P2RX3: variants seen among roughly 807,000 people sequenced by gnomAD.
P2RX3 encodes P2X purinoceptor 3.
P2RX3 carries 41 observed loss-of-function variants against 51.5 expected under a neutral mutation model. The observed-to-expected ratio is 0.80, with a 90% CI of 0.62 to 1.03. The LOEUF is 1.03. P2RX3 is among the 50% of genes least tolerant of loss of function. The probability of loss-of-function intolerance (pLI) is 0.00; values close to 1 mark genes in which losing one functional copy is unlikely to be tolerated. For synonymous variants in P2RX3, 185 were observed against 191.6 expected, an observed-to-expected ratio of 0.97 and a Z score of 0.29; for missense variants, 459 against 522.1, an observed-to-expected ratio of 0.88 and a Z score of 1.18.
intron 8 of P2RX3, among the ~76,000 whole-genome samples, chr11:57,359,502 T>C (rs1042567023): frequency 6.6e-6 from 1 of 152,212 alleles, no homozygotes; most frequent in African/African-American, 2.4e-5. Context: ...CCCCCGACCC[T>C]GAAAACTCTG....
At chr11:57,353,946 A>G (rs1347221190) in intron 8 of P2RX3, among the ~76,000 whole-genome samples, 1 of 150,364 alleles carries the variant, frequency 6.7e-6, no homozygotes, top group African/African-American at 2.5e-5. Context: ...TAAGGCGGTC[A>G]CTTTACAGAT....
intron 11 of P2RX3, 97 bp downstream of exon 11, chr11:57,369,535 AG>A (rs1287403482): frequency 6.0e-6 from 7 of 1,161,728 alleles, no homozygotes; most frequent in Admixed American, 4.7e-5. Flanking sequence ...GGCCTTCTGA[AG>A]GGGGGTTCAC....
chr11:57,361,154 C>T (rs1257973316), intron 8 of P2RX3, among the ~76,000 whole-genome samples: 3 of 152,234 alleles, frequency 2.0e-5, no homozygotes, highest in African/African-American at 7.2e-5. Context: ...CAACCCTCTT[C>T]CAGCTGCTTC....
At chr11:57,364,159 C>T (rs1334236833) in intron 8 of P2RX3, among the ~76,000 whole-genome samples, 1 of 152,190 alleles carries the variant, frequency 6.6e-6, no homozygotes, top group South Asian at 2.1e-4. Context: ...CTGCCCCAAA[C>T]CTCTGTGATC....
intron 6 of P2RX3, among the ~76,000 whole-genome samples, 180 bp downstream of exon 6, chr11:57,348,884 G>A (rs1856492491): frequency 6.6e-6 from 1 of 152,192 alleles, no homozygotes; most frequent in South Asian, 2.1e-4. Context: ...AGGATCAGGT[G>A]AACTTTGGGG....
At chr11:57,357,303 G>A (rs1856646057) in intron 8 of P2RX3, among the ~76,000 whole-genome samples, 1 of 152,138 alleles carries the variant, frequency 6.6e-6, no homozygotes, top group East Asian at 1.9e-4. Context: ...CTGGGTGACA[G>A]AGTGAGACTG....
chr11:57,352,363 T>C (rs1856561654), intron 8 of P2RX3, among the ~76,000 whole-genome samples: 1 of 152,144 alleles, frequency 6.6e-6, no homozygotes. Context: ...TTAAAGTAGG[T>C]TAAAAATACT....
upstream of P2RX3, among the ~76,000 whole-genome samples, chr11:57,336,985 A>T (rs1209396037): frequency 6.6e-6 from 1 of 152,190 alleles, no homozygotes; most frequent in African/African-American, 2.4e-5. Flanking sequence ...ATTTGAGGAA[A>T]CTTGAACAAG....
intron 1 of P2RX3, 24 bp from the exon 2 acceptor site, chr11:57,346,520 T>A: frequency 6.2e-7 from 1 of 1,612,300 alleles, no homozygotes; most frequent in Non-Finnish European, 8.5e-7. Flanking sequence ...TCTCTTTCTC[T>A]TCATTTATGC....
At chr11:57,344,751 GA>G (rs1285120363) in intron 1 of P2RX3, among the ~76,000 whole-genome samples, 2 of 151,936 alleles carry the variant, frequency 1.3e-5, no homozygotes, top group Non-Finnish European at 2.9e-5. Flanking sequence ...AGAATAAAAA[GA>G]AAAAAAGATT....
At chr11:57,363,037 GAGCTCTTTTTCCTCCA>G (rs1856745001) in intron 8 of P2RX3, among the ~76,000 whole-genome samples, 1 of 152,168 alleles carries the variant, frequency 6.6e-6, no homozygotes, top group South Asian at 2.1e-4. Context: ...ATCCTCCTCA[GAGCTCTTTTTCCTCCA>G]ATTTTTCAGT....
intron 9 of P2RX3, 112 bp downstream of exon 9, chr11:57,368,214 A>G: frequency 7.5e-7 from 1 of 1,326,938 alleles, no homozygotes; most frequent in Admixed American, 1.7e-5. Context: ...GCCAGCTTTG[A>G]CACCCTCAGT....
chr11:57,350,151 C>T (rs1856517974), intron 7 of P2RX3, among the ~76,000 whole-genome samples: 1 of 152,134 alleles, frequency 6.6e-6, no homozygotes, highest in African/African-American at 2.4e-5. Context: ...TCACACTTCA[C>T]CTCAGGCAAA....
chr11:57,371,076 C>T lies in P2RX3; in HGVS notation c.*1079C>T, dbSNP rs758240616. 2.6e-5 allele frequency among the ~76,000 whole-genome samples: 4 copies of T among 152,224 alleles called. No homozygotes were observed. The highest frequency in any genetic ancestry group is 4.4e-5 in the Non-Finnish European group (3 of 68,032). The stretch of plus-strand genomic sequence containing the variant: ...ACCCTCTTGCTTACAGATGAGCAAA[C>T]TGAGGCCAGAAAGGGAAAATGACTG... On this transcript the variant is annotated 3_prime_UTR_variant, in exon 12 of 12. Coordinates refer to ENST00000263314, the MANE Select transcript of P2RX3 (RefSeq NM_002559.5).
chr11:57,347,623 AGT>A, intron 4 of P2RX3, 145 bp downstream of exon 4: 2 of 902,434 alleles, frequency 2.2e-6, no homozygotes, highest in Non-Finnish European at 3.4e-6. Context: ...TGCCACACCC[AGT>A]GGGTGCTACA....
rs137903939 is a variant in P2RX3, at chr11:57,362,823, AATAAGC to A, written c.843-5178_843-5173del. On this transcript the variant is annotated intron_variant, in intron 8 of 11. Transcript: ENST00000263314. Reference sequence around the variant, plus strand: ...GGTGGTTGTGAGCATTAAATGAGCTAATAAGCATAAGCACTTAGCACAGTGTCGGGT... The same window carrying A: ...GGTGGTTGTGAGCATTAAATGAGCTAATAAGCACTTAGCACAGTGTCGGGT... 7.1e-3 allele frequency among the ~76,000 whole-genome samples: 1,086 copies of A among 152,290 alleles called. 15 individuals are homozygous for A. The highest frequency in any genetic ancestry group is 0.024 in the African/African-American group (1,012 of 41,546).
rs1375818714 is a variant in P2RX3 at position 57,348,205 on chromosome 11, G to A, written c.427G>A (p.Val143Met). The change falls in exon 5 of 12, where the codon GTG becomes ATG. Residue 143 changes from valine (V) to methionine (M), a missense_variant. Coordinates refer to ENST00000263314, the MANE Select transcript of P2RX3 (RefSeq NM_002559.5). ...TGGCCGCTGCGTGAACTACAGCTCT[G>A]TGCTCCGGACCTGTGAGATCCAGGG... ...LTGRCVNYSSVLRTCEIQGWC... is the reference protein window; with the variant it reads ...LTGRCVNYSSMLRTCEIQGWC... 6.2e-6 allele frequency: 10 copies of A among 1,601,118 alleles called. No homozygotes were observed. The highest frequency in any genetic ancestry group is 8.5e-6 in the Non-Finnish European group (10 of 1,174,274).
chr11:57,354,508 C>T (rs773475961), intron 8 of P2RX3, among the ~76,000 whole-genome samples: 1 of 152,164 alleles, frequency 6.6e-6, no homozygotes, highest in African/African-American at 2.4e-5. Context: ...CTCAGCAGAG[C>T]CCTGCAGTTC....
At chr11:57,340,999 G>A (rs1241752398) in intron 1 of P2RX3, among the ~76,000 whole-genome samples, 1 of 152,222 alleles carries the variant, frequency 6.6e-6, no homozygotes, top group Non-Finnish European at 1.5e-5. Flanking sequence ...CACACACAGA[G>A]GCCGGACCTC....
Sources: allele counts gnomAD v4.1 joint callset (sites outside exome capture counted in the v4.1 genomes callset), GRCh38; gene constraint gnomAD v4.1.1; transcripts MANE v1.5; gene names NCBI Gene and HGNC (gene_info 2026-07-23, HGNC 2026-07-21).